Variants in MARCHF8 observed in about 807,000 individuals in gnomAD.
The protein encoded by MARCHF8 is membrane associated ring-CH-type finger 8, also known as E3 ubiquitin-protein ligase MARCHF8.
In MARCHF8, 40 loss-of-function variants were observed where a neutral mutation model predicts 51.6. The ratio of observed to expected loss-of-function variants is 0.77; its 90% CI spans 0.60 to 1.01. MARCHF8 has a LOEUF of 1.01. MARCHF8 is among the 50% of genes least tolerant of loss of function. The pLI, the probability that MARCHF8 is intolerant of heterozygous loss-of-function variation, is 0.00. For missense variants in MARCHF8, 685 were observed against 708.6 expected (o/e 0.97, Z 0.38); for synonymous variants, 263 against 280.3 (o/e 0.94, Z 0.62).
At chr10:45,498,545 G>A (rs532452127) in intron 2 of MARCHF8, among the ~76,000 whole-genome samples, 1 of 151,472 alleles carries the variant, frequency 6.6e-6, no homozygotes, top group Non-Finnish European at 1.5e-5. Flanking sequence ...GCATGATCTC[G>A]GCTCACTGCA....
At chr10:45,462,435 T>G (rs1842818376) in intron 5 of MARCHF8, among the ~76,000 whole-genome samples, 1 of 151,660 alleles carries the variant, frequency 6.6e-6, no homozygotes, top group Non-Finnish European at 1.5e-5. Flanking sequence ...CTTTTGGGGG[T>G]AGGTAGGGAG....
Position 45,541,671 on chromosome 10 carries a change from G to A in MARCHF8, c.-78-8382C>T, listed in dbSNP as rs576177831. Among the ~76,000 whole-genome samples, 17 of 152,208 alleles carry A rather than the reference G, an allele frequency of 1.1e-4. No homozygotes were observed. The East Asian group carries it at 3.3e-3, about 29-fold the overall frequency. On this transcript the variant is annotated intron_variant, in intron 1 of 6. Transcript: ENST00000319836. ...AAATGTAATAATTTGGCTTTAAAATGAAACAAATTTCAACACGGACAATGG... is the reference window on the plus strand; with the variant it reads ...AAATGTAATAATTTGGCTTTAAAATAAAACAAATTTCAACACGGACAATGG...
exon 1 of MARCHF8, chr10:45,594,296 G>C (rs1185360824): frequency 6.6e-6 from 1 of 152,248 alleles, no homozygotes; most frequent in Non-Finnish European, 1.5e-5. Flanking sequence ...CGTCAGACGT[G>C]GAAGGTCCTC....
chr10:45,538,215 C>T (rs1208216631), upstream of MARCHF8, among the ~76,000 whole-genome samples: 1 of 152,180 alleles, frequency 6.6e-6, no homozygotes, highest in Non-Finnish European at 1.5e-5. Flanking sequence ...TCCAGCCAAA[C>T]TAAGCTTTGT....
chr10:45,490,374 T>C (rs953284964), intron 2 of MARCHF8, among the ~76,000 whole-genome samples: 3 of 152,208 alleles, frequency 2.0e-5, no homozygotes, highest in South Asian at 2.1e-4. Flanking sequence ...TCCAATAGGA[T>C]TGGTGTCCTT....
intron 2 of MARCHF8, among the ~76,000 whole-genome samples, chr10:45,502,874 A>T (rs141098747): frequency 6.6e-6 from 1 of 152,232 alleles, no homozygotes; most frequent in Admixed American, 6.5e-5. Context: ...AAGCATTCAG[A>T]CAAAAACAAT....
intron 3 of MARCHF8, among the ~76,000 whole-genome samples, chr10:45,475,167 G>T (rs1384316484): frequency 6.6e-6 from 1 of 152,188 alleles, no homozygotes; most frequent in African/African-American, 2.4e-5. Flanking sequence ...AAACCATTTG[G>T]CAAAGACCCT....
At chr10:45,518,857 C>A (rs1325889284) in intron 2 of MARCHF8, among the ~76,000 whole-genome samples, 1 of 152,180 alleles carries the variant, frequency 6.6e-6, no homozygotes, top group East Asian at 1.9e-4. Context: ...TTGCTCTTGG[C>A]CAGAATGGCT....
At chr10:45,581,442 T>A (rs2044554502) in intron 1 of MARCHF8, among the ~76,000 whole-genome samples, 1 of 152,168 alleles carries the variant, frequency 6.6e-6, no homozygotes, top group African/African-American at 2.4e-5. Context: ...ACACACACAT[T>A]ACCTCCTCAC....
chr10:45,575,939 T>C (rs2044484851), intron 1 of MARCHF8, among the ~76,000 whole-genome samples: 1 of 152,182 alleles, frequency 6.6e-6, no homozygotes. Flanking sequence ...AATTTTCCTT[T>C]ACCTACCCAA....
intron 1 of MARCHF8, among the ~76,000 whole-genome samples, chr10:45,551,840 T>TACAC (rs139172803): frequency 0.027 from 4,050 of 148,536 alleles, 118 homozygotes; most frequent in African/African-American, 0.076. Flanking sequence ...GGTATATCTG[T>TACAC]ACACACACAC....
At chr10:45,530,236 CA>C (rs2043855387) in intron 2 of MARCHF8, among the ~76,000 whole-genome samples, 1 of 152,092 alleles carries the variant, frequency 6.6e-6, no homozygotes, top group Non-Finnish European at 1.5e-5. Flanking sequence ...AATATGTACA[CA>C]GGGGCATAGA....
At chr10:45,500,152 GGTTAA>G (rs2043252848) in intron 2 of MARCHF8, among the ~76,000 whole-genome samples, 1 of 151,978 alleles carries the variant, frequency 6.6e-6, no homozygotes, top group Non-Finnish European at 1.5e-5. Context: ...TTACCACTTT[GGTTAA>G]GTTTATTCCT....
chr10:45,575,901 C>T (rs917280756), intron 1 of MARCHF8, among the ~76,000 whole-genome samples: 3 of 152,138 alleles, frequency 2.0e-5, no homozygotes, highest in African/African-American at 4.8e-5. Context: ...ACCTTGTGAC[C>T]CCCACCAAAG....
chr10:45,492,187 G>A (rs1301645262), intron 2 of MARCHF8, among the ~76,000 whole-genome samples: 1 of 152,154 alleles, frequency 6.6e-6, no homozygotes, highest in African/African-American at 2.4e-5. Context: ...AATATTTAGG[G>A]TTGCTTCTCC....
At chr10:45,581,028 A>G (rs771817780) in intron 1 of MARCHF8, among the ~76,000 whole-genome samples, 4 of 152,110 alleles carry the variant, frequency 2.6e-5, no homozygotes, top group Non-Finnish European at 5.9e-5. Context: ...GCTGTGAGCA[A>G]GGCTGGGAAC....
In MARCHF8 at chr10:45,463,775, G is replaced by C. The variant is rs763716273; in HGVS notation, c.464C>G (p.Ser155Ter). 20 of 1,551,038 alleles carry C rather than the reference G, an allele frequency of 1.3e-5. No individual in the cohort carries two copies. The South Asian group carries it at 2.3e-4, about 18-fold the overall frequency. Residue 155 changes from serine to a stop codon, truncating the protein, a stop_gained, in exon 5 of 8, where the codon TCA (serine) becomes TGA (stop). Coordinates refer to ENST00000453424, the MANE Select transcript of MARCHF8 (RefSeq NM_001282866.2). LOFTEE classifies it high-confidence loss of function. ...NTKARRTLKF[S>*]RSLNDVGEKA... Reference sequence around the variant, plus strand: ...CTCACCCACATCATTGAGGGACCTTGAGAACTTTAGTGTTCTTCTGGCTTT... The same window carrying C: ...CTCACCCACATCATTGAGGGACCTTCAGAACTTTAGTGTTCTTCTGGCTTT...
intron 3 of MARCHF8, among the ~76,000 whole-genome samples, chr10:45,477,046 T>C (rs185700220): frequency 1.3e-5 from 2 of 152,226 alleles, no homozygotes; most frequent in East Asian, 3.9e-4. Flanking sequence ...CCACAGCACA[T>C]TATATAGTCA....
chr10:45,570,588 CATTAT>C (rs1213905623), intron 1 of MARCHF8, among the ~76,000 whole-genome samples: 2 of 152,094 alleles, frequency 1.3e-5, no homozygotes, highest in African/African-American at 2.4e-5. Context: ...GTCTACTCAA[CATTAT>C]ATTATATAGA....
Sources: gnomAD v4.1 joint callset for allele counts (sites outside exome capture counted in the v4.1 genomes callset) on GRCh38, gnomAD v4.1.1 for gene constraint, MANE v1.5 for transcripts, NCBI Gene and HGNC (gene_info 2026-07-23, HGNC 2026-07-21) for gene names.